COL6A6: variants seen among roughly 807,000 people sequenced by gnomAD.
The protein encoded by COL6A6 is collagen type VI alpha 6 chain.
A neutral mutation model predicts 208.6 loss-of-function variants in COL6A6; 183 were observed. The observed-to-expected ratio is 0.88, with a 90% CI of 0.78 to 0.99. The LOEUF (loss-of-function observed/expected upper bound fraction) is 0.99, where lower values mean the gene tolerates loss of function less well. Among genes scored for constraint, COL6A6 ranks in the 50% least tolerant of loss-of-function variants. COL6A6 has a pLI of 0.00. For missense variants in COL6A6, 2,816 were observed against 2,815.2 expected, an observed-to-expected ratio of 1.00 and a Z score of -0.01; for synonymous variants, 973 against 1,011.8, an observed-to-expected ratio of 0.96 and a Z score of 0.73.
chr3:130,571,188 T>G lies in COL6A6; in HGVS notation c.2772T>G (p.His924Gln), dbSNP rs1286563573. 6.2e-7 allele frequency: 1 copy of G among 1,613,540 alleles called. No individual in the cohort carries two copies. Among genetic ancestry groups the G allele is most frequent in the African/African-American group, 1.3e-5 (1 of 75,060 alleles). Residue 924 changes from histidine to glutamine, a missense_variant, in exon 7 of 37, where the codon CAT (histidine) becomes CAG (glutamine). Physicochemically the swap from His to Gln is conservative, Grantham distance 24. Transcript: ENST00000358511. ...TTGTGATCACCGATGGGGAATCCCA[T>G]GATGCTGATAAACTCAATGCCACGG... ...VLIVITDGES[H>Q]DADKLNATAK...
At chr3:130,539,259 G>A (rs1388208615) in intron 1 of COL6A6, among the ~76,000 whole-genome samples, 2 of 152,202 alleles carry the variant, frequency 1.3e-5, no homozygotes, top group Non-Finnish European at 2.9e-5. Flanking sequence ...ATGTGGAATG[G>A]GCAGCACTAA....
intron 3 of COL6A6, 68 bp from the exon 4 acceptor site, chr3:130,564,926 C>T (rs1167337248): frequency 6.4e-7 from 1 of 1,551,746 alleles, no homozygotes; most frequent in Non-Finnish European, 8.8e-7. Context: ...GTCTTCATGC[C>T]TTCTAATGCT....
chr3:130,666,490 A>G (rs2066077956), intron 36 of COL6A6, among the ~76,000 whole-genome samples: 1 of 152,226 alleles, frequency 6.6e-6, no homozygotes, highest in Non-Finnish European at 1.5e-5. Flanking sequence ...ATATACATAT[A>G]TACATATAAA....
chr3:130,550,404 A>G (rs1452061382), intron 1 of COL6A6, among the ~76,000 whole-genome samples: 2 of 152,204 alleles, frequency 1.3e-5, no homozygotes, highest in Non-Finnish European at 2.9e-5. Flanking sequence ...GAATGCTTCC[A>G]GCTTTCCCCA....
At chr3:130,520,736 G>A (rs1412418767) in intron 1 of COL6A6, among the ~76,000 whole-genome samples, 3 of 152,070 alleles carry the variant, frequency 2.0e-5, no homozygotes, top group African/African-American at 4.8e-5. Flanking sequence ...GAAAAATCTC[G>A]GGACAAGATA....
At chr3:130,667,521 G>A (rs1387705088) in intron 36 of COL6A6, among the ~76,000 whole-genome samples, 2 of 152,162 alleles carry the variant, frequency 1.3e-5, no homozygotes, top group Admixed American at 6.5e-5. Context: ...TTACAGGCGT[G>A]AGCCACCGAA....
At chr3:130,548,371 G>A (rs1390983201) in intron 1 of COL6A6, among the ~76,000 whole-genome samples, 3 of 152,148 alleles carry the variant, frequency 2.0e-5, no homozygotes, top group Non-Finnish European at 4.4e-5. Flanking sequence ...AATTCCACAA[G>A]TGCTTCTCAG....
intron 33 of COL6A6, among the ~76,000 whole-genome samples, chr3:130,655,775 C>T (rs1044735960): frequency 1.2e-4 from 18 of 152,366 alleles, no homozygotes; most frequent in African/African-American, 4.3e-4. Flanking sequence ...AGCTGGAAAC[C>T]TCTGTGGCCA....
At position 130,569,916 on chromosome 3, in the gene COL6A6, T is replaced by C. The variant is rs539176293; in HGVS notation, c.2402-902T>C. Reference sequence around the variant, plus strand: ...GCAAGTGGCTGGCGAAAGAAGAAAATGTGGCAAGCCTCTGGGGGGTGGGTG... The same window carrying C: ...GCAAGTGGCTGGCGAAAGAAGAAAACGTGGCAAGCCTCTGGGGGGTGGGTG... On this transcript the variant is annotated intron_variant, in intron 6 of 36. Transcript: ENST00000358511. 1.1e-3 allele frequency among the ~76,000 whole-genome samples: 162 copies of C among 152,270 alleles called. No homozygotes were observed. In the Middle Eastern group the frequency reaches 0.027, roughly 26 times the overall value.
intron 28 of COL6A6, among the ~76,000 whole-genome samples, chr3:130,639,650 C>G (rs894080462): frequency 6.8e-6 from 1 of 146,388 alleles, no homozygotes; most frequent in African/African-American, 2.5e-5. Flanking sequence ...TAAGATTGCA[C>G]TACTGCATTC....
intron 23 of COL6A6, among the ~76,000 whole-genome samples, chr3:130,615,663 A>G (rs1051408515): frequency 6.6e-6 from 1 of 152,222 alleles, no homozygotes; most frequent in African/African-American, 2.4e-5. Flanking sequence ...TTTCGCATTC[A>G]TATCCTTGAA....
chr3:130,645,724 A>T (rs982800872), intron 32 of COL6A6, among the ~76,000 whole-genome samples: 3 of 152,210 alleles, frequency 2.0e-5, no homozygotes, highest in Non-Finnish European at 4.4e-5. Context: ...AACTCAGATA[A>T]TGCCAGAATC....
chr3:130,597,986 T>G (rs1319711215), intron 18 of COL6A6, among the ~76,000 whole-genome samples: 2 of 152,182 alleles, frequency 1.3e-5, no homozygotes, highest in East Asian at 3.8e-4. Context: ...CTCTCAAGTG[T>G]AACTTTGCCT....
chr3:130,530,178 GTTGCTTAAAAA>G (rs2062050407), intron 1 of COL6A6, among the ~76,000 whole-genome samples: 1 of 152,170 alleles, frequency 6.6e-6, no homozygotes, highest in South Asian at 2.1e-4. Context: ...CCCTGGCTCT[GTTGCTTAAAAA>G]CCGTTTGGCT....
chr3:130,641,534 A>G, intron 28 of COL6A6, 118 bp from the exon 29 acceptor site: 1 of 489,656 alleles, frequency 2.0e-6, no homozygotes. Flanking sequence ...TTCTAAAATA[A>G]AAGTGAAATT....
At chr3:130,563,792 C>A in intron 3 of COL6A6, 128 bp downstream of exon 3, 1 of 650,736 alleles carries the variant, frequency 1.5e-6, no homozygotes, top group Non-Finnish European at 2.6e-6. Context: ...GTTATGTACC[C>A]ATCGTTTAAG....
At chr3:130,642,026 G>A (rs1011238565) in intron 29 of COL6A6, among the ~76,000 whole-genome samples, 2 of 152,132 alleles carry the variant, frequency 1.3e-5, no homozygotes, top group Non-Finnish European at 2.9e-5. Flanking sequence ...ATCATTGGAT[G>A]AATGGAAGTG....
At chr3:130,522,392 C>T (rs980110930) in intron 1 of COL6A6, among the ~76,000 whole-genome samples, 2 of 152,112 alleles carry the variant, frequency 1.3e-5, no homozygotes, top group African/African-American at 4.8e-5. Context: ...AGAGAAATAG[C>T]ACAAAGAACA....
Position 130,593,259 on chromosome 3 carries a change from A to C in COL6A6, c.4470+7A>C, listed in dbSNP as rs2063766242. On this transcript the variant is annotated splice_region_variant and intron_variant, in intron 17 of 36. Transcript: ENST00000358511. ...GGGAGATGAGGGATCTCAGGTAGGGATTTGAAAAGGAAGAACATAAAAATT... is the reference window on the plus strand; with the variant it reads ...GGGAGATGAGGGATCTCAGGTAGGGCTTTGAAAAGGAAGAACATAAAAATT... 2 of 1,607,256 alleles carry C rather than the reference A, an allele frequency of 1.2e-6. No individual in the cohort carries two copies. The highest frequency in any genetic ancestry group is 1.7e-6 in the Non-Finnish European group (2 of 1,173,980).
Sources: allele counts gnomAD v4.1 joint callset (sites outside exome capture counted in the v4.1 genomes callset), GRCh38; gene constraint gnomAD v4.1.1; transcripts MANE v1.5; gene names NCBI Gene and HGNC (gene_info 2026-07-23, HGNC 2026-07-21).